The following LRP1B variants were observed in gnomAD, a reference collection of about 807,000 sequenced individuals.
LRP1B encodes LDL receptor related protein 1B, also known as low-density lipoprotein receptor-related protein 1B.
Under a neutral mutation model 556.6 loss-of-function variants are expected in LRP1B, and 217 were observed. The observed-to-expected ratio is 0.39, with a 90% confidence interval of 0.35 to 0.44. The LOEUF (loss-of-function observed/expected upper bound fraction) is 0.44, where lower values mean the gene tolerates loss of function less well. Among genes scored for constraint, LRP1B ranks in the 20% least tolerant of loss-of-function variants. The pLI, the probability that LRP1B is intolerant of heterozygous loss-of-function variation, is 1.00. For missense variants in LRP1B, 5,053 were observed against 5,620.8 expected, an observed-to-expected ratio of 0.90 and a Z score of 3.23; for synonymous variants, 2,047 against 1,865.8, an observed-to-expected ratio of 1.10 and a Z score of -2.50.
intron 3 of LRP1B, among the ~76,000 whole-genome samples, chr2:141,413,495 C>T (rs1049842550): frequency 1.3e-5 from 2 of 152,078 alleles, no homozygotes; most frequent in East Asian, 1.9e-4. Flanking sequence ...GAATGCAGCC[C>T]GGCCAACACC....
At chr2:140,299,263 C>G (rs746092883) in intron 83 of LRP1B, among the ~76,000 whole-genome samples, 2 of 151,980 alleles carry the variant, frequency 1.3e-5, no homozygotes, top group Non-Finnish European at 2.9e-5. Context: ...AAATAAAATT[C>G]ATATACATTT....
At chr2:141,135,814 A>G (rs1701477864) in intron 7 of LRP1B, among the ~76,000 whole-genome samples, 1 of 151,920 alleles carries the variant, frequency 6.6e-6, no homozygotes, top group South Asian at 2.1e-4. Flanking sequence ...TTCCCAGAAT[A>G]CTTCAGGGCT....
chr2:141,867,486 A>G (rs1698449503), intron 1 of LRP1B, among the ~76,000 whole-genome samples: 1 of 152,188 alleles, frequency 6.6e-6, no homozygotes. Flanking sequence ...TGTATCTTTC[A>G]GAAGCACTCT....
chr2:140,876,361 A>G (rs1693304960), intron 25 of LRP1B, among the ~76,000 whole-genome samples: 1 of 152,098 alleles, frequency 6.6e-6, no homozygotes, highest in East Asian at 1.9e-4. Context: ...AGAATTTTGA[A>G]ACTATTTGTG....
intron 32 of LRP1B, among the ~76,000 whole-genome samples, chr2:140,798,075 T>C (rs888268519): frequency 1.3e-5 from 2 of 152,148 alleles, no homozygotes; most frequent in African/African-American, 4.8e-5. Context: ...TCTCCATTAG[T>C]ATCTTTCACC....
intron 3 of LRP1B, among the ~76,000 whole-genome samples, chr2:141,409,582 C>CTAT (rs2104940473): frequency 6.6e-6 from 1 of 152,154 alleles, no homozygotes; most frequent in Admixed American, 6.5e-5. Flanking sequence ...AATATGTCTA[C>CTAT]TATGTGGAAA....
chr2:141,567,469 A>G (rs561917020), intron 2 of LRP1B, among the ~76,000 whole-genome samples: 1 of 152,238 alleles, frequency 6.6e-6, no homozygotes, highest in African/African-American at 2.4e-5. Context: ...TCTGTTTCCA[A>G]TTCTTTTTAC....
At chr2:140,300,884 T>G (rs1296219229) in intron 83 of LRP1B, among the ~76,000 whole-genome samples, 1 of 152,112 alleles carries the variant, frequency 6.6e-6, no homozygotes, top group African/African-American at 2.4e-5. Context: ...TAGCTCTGAT[T>G]ATTATTATCG....
chr2:141,457,072 C>T (rs1006385843), intron 3 of LRP1B, among the ~76,000 whole-genome samples: 1 of 152,138 alleles, frequency 6.6e-6, no homozygotes, highest in African/African-American at 2.4e-5. Context: ...TATTACCTTA[C>T]CTTACTGAAG....
At chr2:140,507,186 G>T (rs1340840289) in intron 52 of LRP1B, among the ~76,000 whole-genome samples, 1 of 152,092 alleles carries the variant, frequency 6.6e-6, no homozygotes, top group African/African-American at 2.4e-5. Flanking sequence ...AAGCCATGTA[G>T]CGATTTTAAA....
At chr2:141,910,004 T>C (rs180869847) in intron 1 of LRP1B, among the ~76,000 whole-genome samples, 301 of 152,140 alleles carry the variant, frequency 2.0e-3, no homozygotes, top group African/African-American at 6.7e-3. Flanking sequence ...TAAGTAGATA[T>C]CAAGAAATAA....
At chr2:141,984,275 C>T (rs56002723) in intron 1 of LRP1B, among the ~76,000 whole-genome samples, 28,980 of 151,306 alleles carry the variant, frequency 0.19, 3,193 homozygotes, top group South Asian at 0.3. Context: ...CGTCATTTAG[C>T]ATTACTAGGA....
At chr2:141,160,846 C>CTATA (rs61683642) in intron 7 of LRP1B, among the ~76,000 whole-genome samples, 13 of 149,458 alleles carry the variant, frequency 8.7e-5, no homozygotes, top group African/African-American at 2.7e-4. Flanking sequence ...CAAAATTAAT[C>CTATA]TATATATATA....
chr2:140,841,196 T>A, intron 29 of LRP1B, 104 bp from the exon 30 acceptor site: 1 of 709,018 alleles, frequency 1.4e-6, no homozygotes, highest in Non-Finnish European at 2.2e-6. Flanking sequence ...ATTTATACTT[T>A]AATTTGTTAG....
intron 3 of LRP1B, among the ~76,000 whole-genome samples, chr2:141,365,251 C>A (rs1448560669): frequency 6.6e-6 from 1 of 151,834 alleles, no homozygotes; most frequent in Non-Finnish European, 1.5e-5. Flanking sequence ...GTTTGTAGAG[C>A]TAGGGTATCT....
At chr2:141,863,574 T>C (rs1558926016) in intron 1 of LRP1B, among the ~76,000 whole-genome samples, 1 of 152,230 alleles carries the variant, frequency 6.6e-6, no homozygotes, top group African/African-American at 2.4e-5. Context: ...TAAATTGTTC[T>C]GCTTATTTTT....
Position 140,294,122 on chromosome 2 carries a change from T to A in LRP1B, c.12967+3686A>T, listed in dbSNP as rs555811614. On this transcript the variant is annotated intron_variant, in intron 84 of 90. Transcript: ENST00000389484. ...GGCCACATAATATTTTTAAACTTAG[T>A]TTAAAAAATTAATTAAGAATACTGT... Among the ~76,000 whole-genome samples, 4 of 152,254 alleles carry A rather than the reference T, an allele frequency of 2.6e-5. No individual in the cohort carries two copies. In the South Asian group the frequency reaches 8.3e-4, roughly 32 times the overall value.
chr2:141,001,668 C>T (rs931568371), intron 15 of LRP1B, among the ~76,000 whole-genome samples: 14 of 152,056 alleles, frequency 9.2e-5, no homozygotes, highest in African/African-American at 2.9e-4. Flanking sequence ...TCTGTAACTA[C>T]CAAAATAAGA....
chr2:141,629,730 C>A (rs1272919167), intron 2 of LRP1B, among the ~76,000 whole-genome samples: 2 of 152,068 alleles, frequency 1.3e-5, no homozygotes, highest in Non-Finnish European at 2.9e-5. Flanking sequence ...GTTTAACCAA[C>A]CATTTTGGGA....
Sources: allele counts gnomAD v4.1 joint callset (sites outside exome capture counted in the v4.1 genomes callset), GRCh38; gene constraint gnomAD v4.1.1; transcripts MANE v1.5; gene names NCBI Gene and HGNC (gene_info 2026-07-23, HGNC 2026-07-21).